Variants in GLI1 observed in about 807,000 individuals in gnomAD.
GLI1 encodes the protein GLI family zinc finger 1, also known as transcription activator GLI1.
GLI1 carries 51 observed loss-of-function variants against 87.8 expected under a neutral mutation model. That is an observed-to-expected ratio of 0.58 (90% CI 0.46 to 0.73). GLI1 has a LOEUF of 0.73. Among genes scored for constraint, GLI1 ranks in the 30% least tolerant of loss-of-function variants. The pLI is 0.00. For synonymous variants in GLI1, 528 were observed against 558.2 expected (o/e 0.95, Z 0.76); for missense variants, 1,292 against 1,437.2 (o/e 0.90, Z 1.63).
At chr12:57,465,076 AATT>A (rs746456852) in intron 4 of GLI1, 32 bp from the exon 5 acceptor site, 8 of 1,607,966 alleles carry the variant, frequency 5.0e-6, no homozygotes, top group Non-Finnish European at 6.0e-6. Context: ...GAGACTTCCT[AATT>A]GTCTTAAGTA....
intron 2 of GLI1, 48 bp downstream of exon 2, chr12:57,463,839 C>G (rs202216082): frequency 4.4e-4 from 515 of 1,178,410 alleles, no homozygotes; most frequent in Non-Finnish European, 5.8e-4. Flanking sequence ...GGCAGATCTC[C>G]CACTTGGGCC....
At position 57,471,215 on chromosome 12, in the gene GLI1, C is replaced by G. The variant is rs1871899694; in HGVS notation, c.2475C>G (p.Asp825Glu). 6.2e-7 allele frequency: 1 copy of G among 1,602,194 alleles called. No individual in the cohort carries two copies. The highest frequency in any genetic ancestry group is 1.1e-5 in the South Asian group (1 of 89,524). ...AACAGGGGTGCCCAGTGGGGTCTGA[C>G]TCCACAGGACTGGCACCCTGCCTCA... ...KPEQGCPVGSDSTGLAPCLNA... is the reference protein window; with the variant it reads ...KPEQGCPVGSESTGLAPCLNA... The change falls in exon 12 of 12, where the codon GAC becomes GAG. Residue 825 changes from aspartate (D) to glutamate (E), a missense_variant. By Grantham distance (45) the Asp-to-Glu change is conservative. Around this residue, in one of 3 missense-constraint regions of GLI1, gnomAD observed 897 missense variants for 1,040.7 expected, o/e 0.86. Coordinates refer to ENST00000228682, the MANE Select transcript of GLI1 (RefSeq NM_005269.3). The surrounding 1 kb of genome is among the most constrained non-coding windows in gnomAD (Gnocchi z 4.9).
chr12:57,465,353 GT>G (rs1035977249), intron 5 of GLI1, 98 bp downstream of exon 5: 128 of 1,153,056 alleles, frequency 1.1e-4, no homozygotes, highest in Non-Finnish European at 1.5e-4. Flanking sequence ...AGGGATATAA[GT>G]TTTCAGTACT....
At position 57,471,317 on chromosome 12, in the gene GLI1, T is replaced by C. The variant is rs199781192; in HGVS notation, c.2577T>C (p.Tyr859=). 6.4e-7 allele frequency: 1 copy of C among 1,572,784 alleles called. No individual in the cohort carries two copies. Among genetic ancestry groups the C allele is most frequent in the African/African-American group, 1.4e-5 (1 of 72,990 alleles). Residue 859 remains tyrosine (Y), a synonymous_variant, in exon 12 of 12, where the codon TAT becomes TAC. Transcript: ENST00000228682. This position sits in a 1 kb window ranked among gnomAD's most constrained non-coding sequence, Gnocchi z 4.9. Reference sequence around the variant, plus strand: ...ACCCCCAGCCCTCTCCTCCCCAATATCTCCAGTCAGGCCCCTATACCCAGC... The same window carrying C: ...ACCCCCAGCCCTCTCCTCCCCAATACCTCCAGTCAGGCCCCTATACCCAGC... ...SHYPQPSPPQ[Y]LQSGPYTQPP...
rs754705135 is a variant in GLI1 at position 57,468,231 on chromosome 12, G to C, written c.1308+7G>C. 15 of 1,596,928 alleles carry C rather than the reference G, an allele frequency of 9.4e-6. No individual in the cohort carries two copies. In the African/African-American group the frequency reaches 1.6e-4, roughly 17 times the overall value. ...TGTGCCAGAGGGTGCCATGGTGAGAGAGCCCAGGCAACCCTCACCTCCATA... is the reference window on the plus strand; with the variant it reads ...TGTGCCAGAGGGTGCCATGGTGAGACAGCCCAGGCAACCCTCACCTCCATA... On this transcript the variant is annotated splice_region_variant and intron_variant, in intron 10 of 11. Coordinates refer to ENST00000228682, the MANE Select transcript of GLI1 (RefSeq NM_005269.3).
At chr12:57,468,310 C>G in intron 10 of GLI1, 86 bp downstream of exon 10, 1 of 821,930 alleles carries the variant, frequency 1.2e-6, no homozygotes, top group Non-Finnish European at 2.0e-6. Context: ...CATCCATTCC[C>G]TCCTATAGAA....
intron 11 of GLI1, 65 bp from the exon 12 acceptor site, chr12:57,470,252 G>C (rs1297168449): frequency 8.0e-7 from 1 of 1,257,002 alleles, no homozygotes; most frequent in Non-Finnish European, 1.1e-6. Context: ...CTGTTGCATG[G>C]AGGAGGCAGG....
chr12:57,467,134 G>A (rs1213060049), intron 8 of GLI1, among the ~76,000 whole-genome samples, 199 bp from the exon 9 acceptor site: 1 of 152,056 alleles, frequency 6.6e-6, no homozygotes, highest in Non-Finnish European at 1.5e-5. Flanking sequence ...TATTCCCAAA[G>A]GGAGAGTGCC....
At position 57,470,682 on chromosome 12, in the gene GLI1, C is replaced by T. The variant is rs756725183; in HGVS notation, c.1942C>T (p.Arg648Cys). The T allele has an allele frequency of 1.2e-5, 20 of 1,612,572 alleles. No individual in the cohort carries two copies. The highest frequency in any genetic ancestry group is 8.0e-5 in the African/African-American group (6 of 74,932). The change falls in exon 12 of 12, where the codon CGT becomes TGT. Residue 648 changes from arginine (R) to cysteine (C), a missense_variant. Arg to Cys is a radical substitution (Grantham distance 180). Coordinates refer to ENST00000228682, the MANE Select transcript of GLI1 (RefSeq NM_005269.3). Reference protein sequence around the residue: ...RASDPAQAADRPAPARVQRFK... With the variant: ...RASDPAQAADCPAPARVQRFK... The stretch of plus-strand genomic sequence containing the variant: ...CAGTGACCCAGCCCAGGCTGCTGAC[C>T]GTCCTGCTCCAGCTAGAGTCCAGAG...
rs1871936452 is a variant in GLI1, at chr12:57,471,475, G to A, written c.2735G>A (p.Gly912Asp). ...TCTCAACAGGAGCTACTGTGGGAGG[G>A]TGGGGGCAGGGAAGATGCCCCCGCC... ...VQSQQELLWE[G>D]GGREDAPAQE... The change falls in exon 12 of 12, where the codon GGT (glycine) becomes GAT (aspartate). Residue 912 changes from glycine to aspartate, a missense_variant. Around this residue, in one of 3 missense-constraint regions of GLI1, gnomAD observed 897 missense variants for 1,040.7 expected, o/e 0.86. Transcript: ENST00000228682. The surrounding 1 kb of genome is among the most constrained non-coding windows in gnomAD (Gnocchi z 4.9). The A allele has an allele frequency of 6.2e-7, 1 of 1,612,618 alleles. No homozygotes were observed. Among genetic ancestry groups the A allele is most frequent in the Non-Finnish European group, 8.5e-7 (1 of 1,179,162 alleles).
chr12:57,469,731 T>C, intron 11 of GLI1, 33 bp downstream of exon 11: 1 of 1,606,190 alleles, frequency 6.2e-7, no homozygotes, highest in East Asian at 2.2e-5. Flanking sequence ...GTGGCTGGGG[T>C]GAGATCTGGA....
chr12:57,463,550 A>G, intron 1 of GLI1, 115 bp from the exon 2 acceptor site: 2 of 673,826 alleles, frequency 3.0e-6, no homozygotes, highest in Admixed American at 4.2e-5. Flanking sequence ...TCCGTGGCAG[A>G]TGTCTTAGAG....
At chr12:57,460,500 T>G (rs10783826) in intron 1 of GLI1, 98,420 of 152,402 alleles carry the variant, frequency 0.65, 32,340 homozygotes, top group Middle Eastern at 0.81. Flanking sequence ...CGGTTAAGTT[T>G]AAGAGGCTGG....
At position 57,471,474 on chromosome 12, in the gene GLI1, G is replaced by C. The variant is rs1253674081; in HGVS notation, c.2734G>C (p.Gly912Arg). Residue 912 changes from glycine to arginine, a missense_variant, in exon 12 of 12, where the codon GGT becomes CGT. By Grantham distance (125) the Gly-to-Arg change is moderately radical (BLOSUM62 -2). Around this residue, in one of 3 missense-constraint regions of GLI1, gnomAD observed 897 missense variants for 1,040.7 expected, o/e 0.86. Transcript: ENST00000228682. This position sits in a 1 kb window ranked among gnomAD's most constrained non-coding sequence, Gnocchi z 4.9. ...ATCTCAACAGGAGCTACTGTGGGAG[G>C]GTGGGGGCAGGGAAGATGCCCCCGC... ...VQSQQELLWEGGGREDAPAQE... is the reference protein window; with the variant it reads ...VQSQQELLWERGGREDAPAQE... 1.2e-6 allele frequency: 2 copies of C among 1,612,380 alleles called. No individual in the cohort carries two copies. Among genetic ancestry groups the C allele is most frequent in the African/African-American group, 2.7e-5 (2 of 74,852 alleles).
In GLI1 at chr12:57,464,860, C is replaced by T. The variant is rs759381999; in HGVS notation, c.381C>T (p.Gly127=). The part of the protein sequence containing the change: ...PGGSYGHLSI[G]TMSPSLGFPA... ...GCTCCTACGGTCATCTCTCCATTGG[C>T]ACCATGAGGTGCAGTCAGCCCCGGG... Residue 127 remains glycine, a synonymous_variant, in exon 4 of 12, where the codon GGC becomes GGT. Coordinates refer to ENST00000228682, the MANE Select transcript of GLI1 (RefSeq NM_005269.3). 1.2e-6 allele frequency: 2 copies of T among 1,611,850 alleles called. No individual in the cohort carries two copies. Among genetic ancestry groups the T allele is most frequent in the Non-Finnish European group, 1.7e-6 (2 of 1,177,986 alleles).
Position 57,469,590 on chromosome 12 carries a change from A to G in GLI1, c.1468A>G (p.Thr490Ala), listed in dbSNP as rs780272131. The G allele has an allele frequency of 1.4e-5, 23 of 1,614,068 alleles. No homozygotes were observed. Among genetic ancestry groups the G allele is most frequent in the Admixed American group, 3.3e-5 (2 of 60,008 alleles). Residue 490 changes from threonine (T) to alanine (A), a missense_variant, in exon 11 of 12, where the codon ACT becomes GCT. Thr to Ala is a moderately conservative substitution (Grantham distance 58, BLOSUM62 0). Around this residue, in one of 3 missense-constraint regions of GLI1, gnomAD observed 897 missense variants for 1,040.7 expected, o/e 0.86. Coordinates refer to ENST00000228682, the MANE Select transcript of GLI1 (RefSeq NM_005269.3). ...SLDEGPCIAG[T>A]GLSTLRRLEN... Reference sequence around the variant, plus strand: ...GGACGAGGGACCTTGCATTGCTGGCACTGGTCTGTCCACTCTTCGCCGCCT... The same window carrying G: ...GGACGAGGGACCTTGCATTGCTGGCGCTGGTCTGTCCACTCTTCGCCGCCT...
At chr12:57,462,334 C>G (rs1274949187) in intron 1 of GLI1, among the ~76,000 whole-genome samples, 1 of 152,120 alleles carries the variant, frequency 6.6e-6, no homozygotes, top group East Asian at 1.9e-4. Context: ...CCGGGCCGGG[C>G]TGGGTCGCGG....
Position 57,464,773 on chromosome 12 carries a change from T to A in GLI1, c.294T>A (p.Val98=). 6.2e-7 allele frequency: 1 copy of A among 1,613,984 alleles called. No individual in the cohort carries two copies. Among genetic ancestry groups the A allele is most frequent in the Non-Finnish European group, 8.5e-7 (1 of 1,179,882 alleles). ...ATGCCAGCCTGGACCTGCAGACGGT[T>A]ATCCGCACCTCACCCAGCTCCCTCG... is the stretch of plus-strand genomic sequence containing the variant. The part of the protein sequence containing the change: ...LSDASLDLQT[V]IRTSPSSLVA... The change falls in exon 4 of 12, where the codon GTT becomes GTA. Residue 98 remains valine (V), a synonymous_variant. Coordinates refer to ENST00000228682, the MANE Select transcript of GLI1 (RefSeq NM_005269.3).
intron 3 of GLI1, 115 bp from the exon 4 acceptor site, chr12:57,464,558 A>T: frequency 1.5e-6 from 1 of 686,134 alleles, no homozygotes; most frequent in Non-Finnish European, 2.4e-6. Flanking sequence ...AGATAGCATC[A>T]ATAGGGCAAA....
Sources: gnomAD v4.1 joint callset for allele counts (sites outside exome capture counted in the v4.1 genomes callset) on GRCh38, gnomAD v4.1.1 for gene constraint, gnomAD v4.1.1 regional missense constraint, Gnocchi (gnomAD v3.1) non-coding constraint, MANE v1.5 for transcripts, NCBI Gene and HGNC (gene_info 2026-07-23, HGNC 2026-07-21) for gene names.